The following EVC2 variants were observed in gnomAD, a reference collection of about 807,000 sequenced individuals.
EVC2 encodes the protein limbin.
EVC2 carries 148 observed loss-of-function variants against 149.3 expected under a neutral mutation model. The ratio of observed to expected loss-of-function variants is 0.99; its 90% CI spans 0.87 to 1.14. The LOEUF (loss-of-function observed/expected upper bound fraction) is 1.14, where lower values mean the gene tolerates loss of function less well. Among genes scored for constraint, EVC2 ranks in the 50% most tolerant of loss-of-function variants. The pLI is 0.00. For synonymous variants in EVC2, 776 were observed against 649.9 expected (o/e 1.19, Z -2.95); for missense variants, 1,854 against 1,627.3 (o/e 1.14, Z -2.40).
Position 5,633,141 on chromosome 4 carries a change from A to T in EVC2, c.1471-1109T>A, listed in dbSNP as rs1716674737. ...TCCTGCTGGCTTTGAAGAACCAAAC[A>T]GCCAGGCTGTAAACTGTCTCCGCAG... On this transcript the variant is annotated intron_variant, in intron 10 of 21. Coordinates refer to ENST00000344408, the MANE Select transcript of EVC2 (RefSeq NM_147127.5). This position sits in a 1 kb window ranked among gnomAD's most constrained non-coding sequence, Gnocchi z 4.4. Among the ~76,000 whole-genome samples the T allele has an allele frequency of 6.6e-6, 1 of 152,240 alleles. No homozygotes were observed. The highest frequency in any genetic ancestry group is 2.1e-4 in the South Asian group (1 of 4,830).
intron 9 of EVC2, among the ~76,000 whole-genome samples, chr4:5,646,117 G>C (rs1450151707): frequency 1.3e-5 from 2 of 152,114 alleles, no homozygotes; most frequent in Non-Finnish European, 2.9e-5. Flanking sequence ...TTCTAGTAGA[G>C]ACTGGGTTTC....
At chr4:5,558,953 A>G (rs4557209), downstream of EVC2, among the ~76,000 whole-genome samples, 84,170 of 151,358 alleles carry the variant, frequency 0.56, 24,647 homozygotes, top group Non-Finnish European at 0.66. Flanking sequence ...AGCACTTTGC[A>G]AGACCAAGGC....
At chr4:5,649,618 A>G (rs1038876626) in intron 9 of EVC2, among the ~76,000 whole-genome samples, 3 of 152,240 alleles carry the variant, frequency 2.0e-5, no homozygotes, top group Admixed American at 6.5e-5. Context: ...TTGTCCAGAA[A>G]GTGAAGGAGG....
At position 5,637,022 on chromosome 4, in the gene EVC2, C is replaced by T. The variant is rs371935281; in HGVS notation, c.1470+3492G>A. Among the ~76,000 whole-genome samples the T allele has an allele frequency of 7.2e-5, 11 of 152,076 alleles. No individual in the cohort carries two copies. The highest frequency in any genetic ancestry group is 2.7e-4 in the African/African-American group (11 of 41,386). ...ACCTAGGACATCCGGAGTGATGGTG[C>T]CTGCCCAATACACGCTGGCTTGCAA... On this transcript the variant is annotated intron_variant, in intron 10 of 21. Transcript: ENST00000344408. The surrounding 1 kb of genome is among the most constrained non-coding windows in gnomAD (Gnocchi z 4.4).
intron 16 of EVC2, among the ~76,000 whole-genome samples, chr4:5,596,746 A>T (rs1713455852): frequency 6.6e-6 from 1 of 152,208 alleles, no homozygotes; most frequent in Non-Finnish European, 1.5e-5. Flanking sequence ...AAATAGAGAC[A>T]CAAAAAACCC....
intron 7 of EVC2, among the ~76,000 whole-genome samples, chr4:5,668,308 C>T (rs1444432281): frequency 6.6e-6 from 1 of 152,188 alleles, no homozygotes; most frequent in African/African-American, 2.4e-5. Context: ...AGTTCAAATG[C>T]TTATTGAAAC....
chr4:5,574,580 G>A, intron 19 of EVC2, 105 bp downstream of exon 19: 1 of 1,161,844 alleles, frequency 8.6e-7, no homozygotes, highest in South Asian at 1.2e-5. Flanking sequence ...TTCCAAGGCT[G>A]GCTTTTCATC....
At chr4:5,617,060 A>G (rs940857129) in intron 15 of EVC2, among the ~76,000 whole-genome samples, 33 of 152,214 alleles carry the variant, frequency 2.2e-4, no homozygotes, top group African/African-American at 7.7e-4. Flanking sequence ...TATCTCCCAC[A>G]TCCTTGTAAG....
At chr4:5,642,928 A>G (rs1717442816) in intron 9 of EVC2, among the ~76,000 whole-genome samples, 1 of 152,204 alleles carries the variant, frequency 6.6e-6, no homozygotes, top group African/African-American at 2.4e-5. Context: ...TTTAAAGCAA[A>G]TATCAGATCT....
chr4:5,639,876 AT>A (rs976051534), intron 10 of EVC2, among the ~76,000 whole-genome samples: 2 of 152,280 alleles, frequency 1.3e-5, no homozygotes, highest in South Asian at 2.1e-4. Flanking sequence ...ACGTGAACTG[AT>A]TTTTTTATAA....
rs1722957219 is a variant in EVC2 at position 5,576,699 on chromosome 4, T to C, written c.3058-245A>G. On this transcript the variant is annotated intron_variant, in intron 17 of 21. Coordinates refer to ENST00000344408, the MANE Select transcript of EVC2 (RefSeq NM_147127.5). The surrounding 1 kb of genome is among the most constrained non-coding windows in gnomAD (Gnocchi z 4.5). ...TGCCTTTCTCTGTCTGCCTGACCAA[T>C]CCCCAGTCTTCTTTCACCCCTCCGC... 6.6e-6 allele frequency among the ~76,000 whole-genome samples: 1 copy of C among 152,090 alleles called. No homozygotes were observed. The highest frequency in any genetic ancestry group is 6.6e-5 in the Admixed American group (1 of 15,260).
In EVC2 at chr4:5,640,760, G is replaced by A. The variant is rs114629810; in HGVS notation, c.1224C>T (p.Ala408=). Residue 408 remains alanine (A), a synonymous_variant, in exon 10 of 22, where the codon GCC becomes GCT. Coordinates refer to ENST00000344408, the MANE Select transcript of EVC2 (RefSeq NM_147127.5). The surrounding 1 kb of genome is among the most constrained non-coding windows in gnomAD (Gnocchi z 4.6). ...TGCTGGTGAGATTTTTCAGCAGAAGGGCAATGATATCCTTGCTGATTTGTG... is the reference window on the plus strand; with the variant it reads ...TGCTGGTGAGATTTTTCAGCAGAAGAGCAATGATATCCTTGCTGATTTGTG... ...CRTQISKDII[A]LLLKNLTSSG... 5.4e-4 allele frequency: 873 copies of A among 1,614,144 alleles called. 3 individuals carry two copies. The African/African-American group carries it at 0.01, about 19-fold the overall frequency.
intron 21 of EVC2, among the ~76,000 whole-genome samples, chr4:5,550,482 C>T (rs748861198): frequency 1.3e-4 from 20 of 152,040 alleles, no homozygotes; most frequent in African/African-American, 3.6e-4. Flanking sequence ...TTAGGGTATC[C>T]GGCGGAAGAA....
intron 5 of EVC2, among the ~76,000 whole-genome samples, chr4:5,687,655 G>T (rs1473878585): frequency 6.6e-6 from 1 of 152,154 alleles, no homozygotes; most frequent in Non-Finnish European, 1.5e-5. Flanking sequence ...GAGATGATTT[G>T]TATATTCAGA....
intron 16 of EVC2, among the ~76,000 whole-genome samples, chr4:5,596,815 T>C (rs1233557784): frequency 6.6e-6 from 1 of 152,132 alleles, no homozygotes; most frequent in Non-Finnish European, 1.5e-5. Flanking sequence ...GATAGACCGC[T>C]AGCAAGACTA....
At chr4:5,617,496 C>T (rs982132667) in intron 15 of EVC2, among the ~76,000 whole-genome samples, 4 of 152,184 alleles carry the variant, frequency 2.6e-5, no homozygotes, top group Admixed American at 2.0e-4. Flanking sequence ...ACCTACTACG[C>T]ACTTAGCACC....
chr4:5,662,148 C>T (rs962469297), intron 9 of EVC2, among the ~76,000 whole-genome samples: 1 of 152,120 alleles, frequency 6.6e-6, no homozygotes, highest in Admixed American at 6.5e-5. Context: ...GACATCTCAC[C>T]AAACGCACCT....
Position 5,633,922 on chromosome 4 carries a change from G to A in EVC2, c.1471-1890C>T, listed in dbSNP as rs930110081. ...GACATGCTGATCTCTAGCTTTCTCC[G>A]TCTCTCCAGTCCCTTTTACTTATTG... On this transcript the variant is annotated intron_variant, in intron 10 of 21. Transcript: ENST00000344408. The surrounding 1 kb of genome is among the most constrained non-coding windows in gnomAD (Gnocchi z 4.4). Among the ~76,000 whole-genome samples, 10 of 152,190 alleles carry A rather than the reference G, an allele frequency of 6.6e-5. No individual in the cohort carries two copies. Among genetic ancestry groups the A allele is most frequent in the South Asian group, 2.1e-4 (1 of 4,834 alleles).
At chr4:5,635,133 T>G (rs1716810828) in intron 10 of EVC2, among the ~76,000 whole-genome samples, 1 of 142,062 alleles carries the variant, frequency 7.0e-6, no homozygotes, top group Non-Finnish European at 1.5e-5. Context: ...GCCCTCTGGG[T>G]TCAAGTGATT....
Sources: gnomAD v4.1 joint callset for allele counts (sites outside exome capture counted in the v4.1 genomes callset) on GRCh38, gnomAD v4.1.1 for gene constraint, Gnocchi (gnomAD v3.1) non-coding constraint, MANE v1.5 for transcripts, NCBI Gene and HGNC (gene_info 2026-07-23, HGNC 2026-07-21) for gene names.